TMEM38B: variants seen among roughly 807,000 people sequenced by gnomAD.
TMEM38B encodes trimeric intracellular cation channel type B.
A neutral mutation model predicts 28.7 loss-of-function variants in TMEM38B; 24 were observed. The observed-to-expected ratio is 0.84, with a 90% confidence interval of 0.61 to 1.18. The LOEUF (loss-of-function observed/expected upper bound fraction) is 1.18, where lower values mean the gene tolerates loss of function less well. Ranked by LOEUF, TMEM38B falls within the 50% of genes most tolerant of loss-of-function variation. The probability of loss-of-function intolerance (pLI) is 0.00; values close to 1 mark genes in which losing one functional copy is unlikely to be tolerated. For synonymous variants in TMEM38B, 131 were observed against 127.7 expected, an observed-to-expected ratio of 1.03 and a Z score of -0.17; for missense variants, 380 against 350.9, an observed-to-expected ratio of 1.08 and a Z score of -0.66.
intron 5 of TMEM38B, among the ~76,000 whole-genome samples, chr9:105,766,249 A>G (rs1474657021): frequency 6.6e-6 from 1 of 152,086 alleles, no homozygotes; most frequent in Non-Finnish European, 1.5e-5. Flanking sequence ...GAGAGTTCTG[A>G]TTGTCCTAGA....
chr9:105,762,441 T>A (rs1207546648), intron 5 of TMEM38B, among the ~76,000 whole-genome samples: 2 of 131,306 alleles, frequency 1.5e-5, no homozygotes, highest in Non-Finnish European at 3.1e-5. Flanking sequence ...CAGAGTGTGA[T>A]GTTCCCCTTC....
intron 5 of TMEM38B, 73 bp from the exon 6 acceptor site, chr9:105,773,792 T>C: frequency 6.9e-7 from 1 of 1,440,110 alleles, no homozygotes; most frequent in South Asian, 1.3e-5. Flanking sequence ...TGATTTTTTT[T>C]CCTTTTGTTT....
At chr9:105,701,575 C>T (rs752322750) in intron 1 of TMEM38B, 8 of 152,180 alleles carry the variant, frequency 5.3e-5, no homozygotes, top group South Asian at 2.1e-4. Flanking sequence ...ATTACAGTCA[C>T]GACCTTTCTG....
intron 4 of TMEM38B, among the ~76,000 whole-genome samples, chr9:105,738,586 G>C (rs1244862125): frequency 1.3e-5 from 2 of 151,736 alleles, no homozygotes; most frequent in African/African-American, 4.8e-5. Flanking sequence ...TGTTTCTTAT[G>C]CTTTTGATGT....
chr9:105,755,915 T>C (rs536850594), intron 5 of TMEM38B, among the ~76,000 whole-genome samples: 2 of 152,346 alleles, frequency 1.3e-5, no homozygotes, highest in South Asian at 4.1e-4. Flanking sequence ...ACTCATTTAT[T>C]AGTTCTAATA....
At chr9:105,765,234 A>G (rs1431746601) in intron 5 of TMEM38B, among the ~76,000 whole-genome samples, 1 of 152,242 alleles carries the variant, frequency 6.6e-6, no homozygotes, top group Non-Finnish European at 1.5e-5. Flanking sequence ...TTTAGTTACA[A>G]TTTAAAAAAT....
intron 1 of TMEM38B, among the ~76,000 whole-genome samples, chr9:105,697,678 T>TC (rs769423292): frequency 1.5e-4 from 23 of 152,190 alleles, no homozygotes; most frequent in Non-Finnish European, 3.1e-4. Flanking sequence ...AGTCCTTTTT[T>TC]CCCATAACTC....
intron 5 of TMEM38B, chr9:105,749,260 C>A: frequency 3.1e-6 from 1 of 318,354 alleles, no homozygotes; most frequent in Non-Finnish European, 5.2e-6. Context: ...AAAGACATAC[C>A]TGATACTGGG....
At chr9:105,698,506 C>T (rs926474803) in intron 1 of TMEM38B, among the ~76,000 whole-genome samples, 2 of 151,778 alleles carry the variant, frequency 1.3e-5, no homozygotes, top group Non-Finnish European at 2.9e-5. Context: ...TTGTGTTTCC[C>T]ATTTAAAAAT....
In TMEM38B at chr9:105,738,458, C is replaced by T. The variant is rs550107758; in HGVS notation, c.543-9615C>T. On this transcript the variant is annotated intron_variant, in intron 4 of 5. Coordinates refer to ENST00000374692, the MANE Select transcript of TMEM38B (RefSeq NM_018112.3). ...TCCTTTGCTGCATTCTGGTACTTTC[C>T]TTTAGTTATTTTCATCAAGATGTAG... Among the ~76,000 whole-genome samples the T allele has an allele frequency of 1.4e-4, 21 of 151,960 alleles. No individual in the cohort carries two copies. In the South Asian group the frequency reaches 4.2e-3, roughly 30 times the overall value.
At chr9:105,708,770 T>C (rs1014797698) in intron 2 of TMEM38B, among the ~76,000 whole-genome samples, 4 of 152,120 alleles carry the variant, frequency 2.6e-5, no homozygotes, top group African/African-American at 7.2e-5. Context: ...CTGACTAAAG[T>C]AGCACCTCCT....
At chr9:105,766,467 T>C (rs978609804) in intron 5 of TMEM38B, among the ~76,000 whole-genome samples, 2 of 152,162 alleles carry the variant, frequency 1.3e-5, no homozygotes, top group Admixed American at 6.5e-5. Context: ...TATTATTGAG[T>C]TGTAACAGTT....
intron 3 of TMEM38B, 104 bp downstream of exon 3, chr9:105,721,825 A>G (rs1691975772): frequency 1.0e-5 from 9 of 882,034 alleles, no homozygotes; most frequent in Non-Finnish European, 1.5e-5. Flanking sequence ...ATACTTTAAT[A>G]ACAGAGACTT....
At chr9:105,742,922 G>A (rs1316524638) in intron 4 of TMEM38B, among the ~76,000 whole-genome samples, 1 of 152,072 alleles carries the variant, frequency 6.6e-6, no homozygotes. Context: ...ATTTGGGAAT[G>A]TTGTAAAACT....
chr9:105,734,316 C>T (rs1289071831), intron 4 of TMEM38B, among the ~76,000 whole-genome samples: 1 of 152,048 alleles, frequency 6.6e-6, no homozygotes, highest in Non-Finnish European at 1.5e-5. Context: ...CTTGATGTGA[C>T]TTTAATATTA....
chr9:105,731,006 A>G (rs1165615198), intron 4 of TMEM38B, among the ~76,000 whole-genome samples: 1 of 151,998 alleles, frequency 6.6e-6, no homozygotes, highest in Non-Finnish European at 1.5e-5. Flanking sequence ...TTATCTTTTC[A>G]AAAAACCAGC....
At chr9:105,702,330 A>G (rs1444238614) in intron 1 of TMEM38B, among the ~76,000 whole-genome samples, 1 of 152,194 alleles carries the variant, frequency 6.6e-6, no homozygotes, top group Non-Finnish European at 1.5e-5. Flanking sequence ...TAAGAAGGCT[A>G]GAACATTCCC....
intron 4 of TMEM38B, among the ~76,000 whole-genome samples, chr9:105,728,214 G>T (rs1836593097): frequency 6.6e-6 from 1 of 152,028 alleles, no homozygotes; most frequent in Non-Finnish European, 1.5e-5. Context: ...TTTACATTAG[G>T]TATTTCTCCT....
chr9:105,733,541 G>A (rs145967966), intron 4 of TMEM38B, among the ~76,000 whole-genome samples: 163 of 150,462 alleles, frequency 1.1e-3, no homozygotes, highest in African/African-American at 3.7e-3. Flanking sequence ...AAGAAATATT[G>A]GTATTAATTC....
Sources: gnomAD v4.1 joint callset for allele counts (sites outside exome capture counted in the v4.1 genomes callset) on GRCh38, gnomAD v4.1.1 for gene constraint, MANE v1.5 for transcripts, NCBI Gene and HGNC (gene_info 2026-07-23, HGNC 2026-07-21) for gene names.